Variants in CLIC5 observed in about 807,000 individuals in gnomAD.
The protein encoded by CLIC5 is chloride intracellular channel protein 5.
Under a neutral mutation model 24.7 loss-of-function variants are expected in CLIC5, and 20 were observed. The ratio of observed to expected loss-of-function variants is 0.81; its 90% CI spans 0.57 to 1.18. CLIC5 has a LOEUF of 1.18. CLIC5 is among the 50% of genes most tolerant of loss of function. The probability of loss-of-function intolerance (pLI) is 0.00; values close to 1 mark genes in which losing one functional copy is unlikely to be tolerated. For synonymous variants in CLIC5, 159 were observed against 135.6 expected (o/e 1.17, Z -1.20); for missense variants, 341 against 326.1 (o/e 1.05, Z -0.35).
intron 4 of CLIC5, among the ~76,000 whole-genome samples, chr6:45,939,726 G>A (rs1021729428): frequency 4.6e-5 from 7 of 151,654 alleles, no homozygotes; most frequent in African/African-American, 7.3e-5. Context: ...CTGCAGCTTC[G>A]ACCTCCCAGG....
At chr6:46,026,766 T>C (rs1336612936) in intron 1 of CLIC5, among the ~76,000 whole-genome samples, 2 of 152,164 alleles carry the variant, frequency 1.3e-5, no homozygotes, top group African/African-American at 4.8e-5. Flanking sequence ...GTGCTCAAAA[T>C]GCATGTGGGG....
intron 3 of CLIC5, among the ~76,000 whole-genome samples, chr6:45,945,774 T>G (rs140405071): frequency 6.6e-6 from 1 of 152,192 alleles, no homozygotes; most frequent in Non-Finnish European, 1.5e-5. Context: ...GGGTCAGAAC[T>G]TTCTTGTTTT....
downstream of CLIC5, chr6:45,880,870 G>T (rs1440191077): frequency 3.0e-6 from 1 of 333,984 alleles, no homozygotes. Context: ...GCAGGGAACC[G>T]ACGGGCGTTG....
chr6:45,944,979 T>C (rs1195700241), intron 3 of CLIC5, among the ~76,000 whole-genome samples: 1 of 152,218 alleles, frequency 6.6e-6, no homozygotes, highest in Non-Finnish European at 1.5e-5. Context: ...TTCTAATCCT[T>C]GACTGTGTGC....
In CLIC5 at chr6:45,902,940, C is replaced by A; in HGVS notation, c.*148G>T. On this transcript the variant is annotated 3_prime_UTR_variant, in exon 6 of 6. Transcript: ENST00000339561. ...TGGTGCTGACCTTCATGAAAGATAG[C>A]AGGCTGGAGTTCCCATGATACCAGC... is the stretch of plus-strand genomic sequence containing the variant. 2.5e-6 allele frequency: 2 copies of A among 791,268 alleles called. No individual in the cohort carries two copies. Among genetic ancestry groups the A allele is most frequent in the Non-Finnish European group, 4.1e-6 (2 of 488,910 alleles). The allele number at this position is 791,268 out of a possible 1,614,324, so 49.0% of individuals were successfully genotyped here.
At chr6:46,121,468 T>G in the CLIC5 span, among the ~76,000 whole-genome samples, 2 of 152,186 alleles carry the variant, frequency 1.3e-5, no homozygotes, top group Non-Finnish European at 2.9e-5. Context: ...TACCAGCCAC[T>G]ACAAAAACAT....
chr6:45,950,618 A>G (rs1581782061), intron 2 of CLIC5, among the ~76,000 whole-genome samples: 1 of 152,174 alleles, frequency 6.6e-6, no homozygotes, highest in Non-Finnish European at 1.5e-5. Flanking sequence ...TTTAAAAATG[A>G]GTGATTTTAG....
intron 1 of CLIC5, among the ~76,000 whole-genome samples, chr6:45,999,631 T>C (rs993983841): frequency 3.3e-5 from 5 of 151,978 alleles, no homozygotes; most frequent in Admixed American, 2.0e-4. Flanking sequence ...TTCCTCCTCC[T>C]CTTCCTCCTC....
chr6:45,937,707 GA>G (rs1188818046), intron 4 of CLIC5: 1 of 152,148 alleles, frequency 6.6e-6, no homozygotes, highest in Non-Finnish European at 1.5e-5. Context: ...GTGGTTTTTT[GA>G]ATGAATCAGT....
intron 1 of CLIC5, among the ~76,000 whole-genome samples, chr6:45,999,237 A>G (rs529794910): frequency 6.6e-6 from 1 of 152,222 alleles, no homozygotes; most frequent in Non-Finnish European, 1.5e-5. Context: ...AAAATAACAG[A>G]ATGGCAGAAA....
the CLIC5 span, among the ~76,000 whole-genome samples, chr6:46,112,030 T>TCAAGTATAAATTAACCAGTCG: frequency 1.3e-5 from 2 of 152,162 alleles, no homozygotes; most frequent in African/African-American, 4.8e-5. Flanking sequence ...TTAACCAGTC[T>TCAAGTATAAATTAACCAGTCG]CAAGTATGTC....
chr6:45,880,912 G>A (rs979746677), downstream of CLIC5: 12 of 381,250 alleles, frequency 3.1e-5, no homozygotes, highest in Middle Eastern at 2.0e-3. Flanking sequence ...CAGTGTTGCC[G>A]GTGACATTTC....
chr6:46,108,574 T>G, the CLIC5 span, among the ~76,000 whole-genome samples: 2 of 152,146 alleles, frequency 1.3e-5, no homozygotes, highest in Non-Finnish European at 2.9e-5. Context: ...TTTTTTTGTA[T>G]TTTTAGTAGA....
intron 1 of CLIC5, among the ~76,000 whole-genome samples, chr6:45,996,015 GCTGGGCTT>G (rs890891361): frequency 2.4e-4 from 37 of 152,056 alleles, no homozygotes; most frequent in African/African-American, 7.2e-4. Flanking sequence ...GCTAATGCAT[GCTGGGCTT>G]CATACCCAGG....
chr6:45,922,542 A>G (rs957383211), intron 4 of CLIC5, among the ~76,000 whole-genome samples: 3 of 152,090 alleles, frequency 2.0e-5, no homozygotes, highest in Non-Finnish European at 4.4e-5. Context: ...AAGGCAAGAG[A>G]CTTTGGCCAG....
intron 4 of CLIC5, among the ~76,000 whole-genome samples, chr6:45,931,208 G>T (rs1272405702): frequency 2.6e-5 from 4 of 152,162 alleles, no homozygotes; most frequent in African/African-American, 9.7e-5. Flanking sequence ...TCTGGTAGAG[G>T]CTATGTAGCT....
chr6:46,098,685 A>G, the CLIC5 span, among the ~76,000 whole-genome samples: 3 of 152,198 alleles, frequency 2.0e-5, no homozygotes, highest in Admixed American at 6.5e-5. Flanking sequence ...CAGCCTGGAC[A>G]GGGAGTGGAA....
At chr6:45,977,779 C>A (rs1765433460) in intron 1 of CLIC5, among the ~76,000 whole-genome samples, 1 of 152,150 alleles carries the variant, frequency 6.6e-6, no homozygotes, top group Non-Finnish European at 1.5e-5. Context: ...AACTCAGACC[C>A]CATCTTCCCT....
chr6:46,121,055 C>T, the CLIC5 span, among the ~76,000 whole-genome samples: 1 of 152,110 alleles, frequency 6.6e-6, no homozygotes, highest in Non-Finnish European at 1.5e-5. Flanking sequence ...GGCAGGCCAA[C>T]ATTCAAATTC....
Sources: gnomAD v4.1 joint callset for allele counts (sites outside exome capture counted in the v4.1 genomes callset) on GRCh38, gnomAD v4.1.1 for gene constraint, MANE v1.5 for transcripts, NCBI Gene and HGNC (gene_info 2026-07-23, HGNC 2026-07-21) for gene names.